The following IPO11 variants were observed in gnomAD, a reference collection of about 807,000 sequenced individuals.
The protein encoded by IPO11 is importin 11.
A neutral mutation model predicts 143.2 loss-of-function variants in IPO11; 66 were observed. That is an observed-to-expected ratio of 0.46 (90% confidence interval 0.38 to 0.57). The LOEUF (loss-of-function observed/expected upper bound fraction) is 0.57, where lower values mean the gene tolerates loss of function less well. Ranked by LOEUF, IPO11 falls within the 20% of genes least tolerant of loss-of-function variation. The pLI is 0.00. For missense variants in IPO11, 1,026 were observed against 1,141.0 expected, an observed-to-expected ratio of 0.90 and a Z score of 1.45; for synonymous variants, 385 against 377.8, an observed-to-expected ratio of 1.02 and a Z score of -0.22.
chr5:62,545,552 G>A (rs547855731), intron 24 of IPO11, among the ~76,000 whole-genome samples: 59 of 152,282 alleles, frequency 3.9e-4, no homozygotes, highest in Middle Eastern at 3.4e-3. Context: ...GGGACTTCAT[G>A]TCTAAAACAC....
chr5:62,504,789 A>T, intron 17 of IPO11, 69 bp from the exon 18 acceptor site: 1 of 1,329,050 alleles, frequency 7.5e-7, no homozygotes, highest in Non-Finnish European at 1.0e-6. Context: ...ATTTATGTAT[A>T]CTTGTTTTAG....
chr5:62,433,255 A>C (rs1420345022), intron 1 of IPO11, among the ~76,000 whole-genome samples: 1 of 152,094 alleles, frequency 6.6e-6, no homozygotes, highest in East Asian at 1.9e-4. Flanking sequence ...AAACACAGAT[A>C]ATACAAATAT....
intron 2 of IPO11, 126 bp from the exon 3 acceptor site, chr5:62,442,857 T>C: frequency 4.1e-6 from 1 of 245,590 alleles, no homozygotes; most frequent in African/African-American, 4.5e-5. Flanking sequence ...AGAGTGAAAC[T>C]GTCTCAAAAA....
Position 62,425,144 on chromosome 5 carries a change from A to G in IPO11, c.-6-12130A>G, listed in dbSNP as rs566388399. 7.2e-5 allele frequency among the ~76,000 whole-genome samples: 11 copies of G among 152,240 alleles called. No individual in the cohort carries two copies. The South Asian group carries it at 1.4e-3, about 20-fold the overall frequency. ...TCAGGAGCTCAGCATTCTTTGCTCT[A>G]TCCTCCTAAACCCTGTAATCCCTGT... On this transcript the variant is annotated intron_variant, in intron 1 of 29. Coordinates refer to ENST00000325324, the MANE Select transcript of IPO11 (RefSeq NM_016338.5).
intron 29 of IPO11, among the ~76,000 whole-genome samples, chr5:62,619,130 G>A (rs1386863927): frequency 6.6e-6 from 1 of 152,186 alleles, no homozygotes; most frequent in African/African-American, 2.4e-5. Flanking sequence ...TTGAATGGCT[G>A]AGGCAGAAGA....
At chr5:62,414,502 G>A (rs1743223330) in intron 1 of IPO11, among the ~76,000 whole-genome samples, 1 of 152,090 alleles carries the variant, frequency 6.6e-6, no homozygotes, top group East Asian at 1.9e-4. Flanking sequence ...ATTTCAGAGC[G>A]TTTAAGGAAT....
intron 29 of IPO11, among the ~76,000 whole-genome samples, chr5:62,610,054 C>T (rs1360646261): frequency 6.6e-6 from 1 of 152,184 alleles, no homozygotes; most frequent in Non-Finnish European, 1.5e-5. Flanking sequence ...GGTGAGGCAA[C>T]AACCAGTTGT....
intron 29 of IPO11, among the ~76,000 whole-genome samples, chr5:62,611,644 G>A (rs1238290534): frequency 1.3e-5 from 2 of 152,120 alleles, no homozygotes; most frequent in Non-Finnish European, 2.9e-5. Context: ...TAATTGTGAT[G>A]AATTCAGTAA....
At chr5:62,592,967 C>T (rs544327385) in intron 28 of IPO11, among the ~76,000 whole-genome samples, 2 of 152,240 alleles carry the variant, frequency 1.3e-5, no homozygotes, top group African/African-American at 4.8e-5. Flanking sequence ...AAATTGTATA[C>T]TTAATATGTG....
At chr5:62,437,942 A>C (rs1561310386) in intron 2 of IPO11, among the ~76,000 whole-genome samples, 1 of 152,234 alleles carries the variant, frequency 6.6e-6, no homozygotes, top group South Asian at 2.1e-4. Flanking sequence ...ATTGGAGTTC[A>C]AAGTTTTTGA....
chr5:62,414,053 C>T (rs1743209559), intron 1 of IPO11, among the ~76,000 whole-genome samples: 1 of 152,158 alleles, frequency 6.6e-6, no homozygotes, highest in South Asian at 2.1e-4. Flanking sequence ...ATATTATAGT[C>T]TCAGGGTAGG....
rs1347883188 is a variant in IPO11, at chr5:62,600,575, G to A, written c.2679-1189G>A. Among the ~76,000 whole-genome samples the A allele has an allele frequency of 5.9e-5, 9 of 152,304 alleles. No homozygotes were observed. In the East Asian group the frequency reaches 1.7e-3, roughly 29 times the overall value. ...GTTCTAAAATACAAACTGGGATGTA[G>A]ACCTTTTTAAGACACTTCACTTTAT... On this transcript the variant is annotated intron_variant, in intron 28 of 29. Transcript: ENST00000325324.
At chr5:62,414,180 TA>T (rs1470309131) in intron 1 of IPO11, among the ~76,000 whole-genome samples, 1 of 152,224 alleles carries the variant, frequency 6.6e-6, no homozygotes, top group Non-Finnish European at 1.5e-5. Context: ...ATCTGATCAT[TA>T]ATAGAACAAT....
intron 13 of IPO11, 81 bp downstream of exon 13, chr5:62,487,942 A>G (rs149504174): frequency 1.5e-5 from 17 of 1,157,030 alleles, no homozygotes; most frequent in Non-Finnish European, 1.9e-5. Flanking sequence ...TACAATGCAT[A>G]CTGTACTGTT....
At chr5:62,434,508 C>T (rs1356085411) in intron 1 of IPO11, among the ~76,000 whole-genome samples, 2 of 151,916 alleles carry the variant, frequency 1.3e-5, no homozygotes, top group African/African-American at 2.4e-5. Context: ...CTCTGTTGCC[C>T]AGGTGGGTCT....
At position 62,624,304 on chromosome 5, in the gene IPO11, G is replaced by C. The variant is rs192683051; in HGVS notation, c.2764-2850G>C. Among the ~76,000 whole-genome samples, 43 of 152,266 alleles carry C rather than the reference G, an allele frequency of 2.8e-4. No individual in the cohort carries two copies. The East Asian group carries it at 7.6e-3, about 27-fold the overall frequency. On this transcript the variant is annotated intron_variant, in intron 29 of 29. Coordinates refer to ENST00000325324, the MANE Select transcript of IPO11 (RefSeq NM_016338.5). The stretch of plus-strand genomic sequence containing the variant: ...CCACCTCAACCTCCCAAAGTGCTGG[G>C]ATTACAGGCATGAGCCATGGCATCC...
chr5:62,432,293 T>C (rs1250636281), intron 1 of IPO11, among the ~76,000 whole-genome samples: 1 of 152,198 alleles, frequency 6.6e-6, no homozygotes, highest in Non-Finnish European at 1.5e-5. Flanking sequence ...GTAGAGCTTC[T>C]GCCGCAGGAG....
At chr5:62,610,087 G>A (rs1580384884) in intron 29 of IPO11, among the ~76,000 whole-genome samples, 2 of 152,260 alleles carry the variant, frequency 1.3e-5, no homozygotes, top group East Asian at 3.9e-4. Flanking sequence ...GCTGCCTCTG[G>A]CCCACCAAAC....
chr5:62,503,235 A>G (rs776301707), intron 16 of IPO11, among the ~76,000 whole-genome samples: 1 of 151,726 alleles, frequency 6.6e-6, no homozygotes, highest in Non-Finnish European at 1.5e-5. Flanking sequence ...AAAGATGTTT[A>G]TGTGTAGTCC....
Sources: gnomAD v4.1 joint callset for allele counts (sites outside exome capture counted in the v4.1 genomes callset) on GRCh38, gnomAD v4.1.1 for gene constraint, MANE v1.5 for transcripts, NCBI Gene and HGNC (gene_info 2026-07-23, HGNC 2026-07-21) for gene names.